The following MYMK variants were observed in gnomAD, a reference collection of about 807,000 sequenced individuals.
The protein encoded by MYMK is myomaker, myoblast fusion factor.
MYMK carries 16 observed loss-of-function variants against 22.4 expected under a neutral mutation model. The ratio of observed to expected loss-of-function variants is 0.72; its 90% confidence interval spans 0.48 to 1.09. MYMK has a LOEUF of 1.09. MYMK is among the 50% of genes least tolerant of loss of function. MYMK has a pLI of 0.00. For missense variants in MYMK, 250 were observed against 295.6 expected (o/e 0.85, Z 1.13); for synonymous variants, 125 against 127.0 (o/e 0.98, Z 0.11).
At position 133,516,566 on chromosome 9, in the gene MYMK, C is replaced by T. The variant is rs1352096223; in HGVS notation, c.400-959G>A. On this transcript the variant is annotated intron_variant, in intron 3 of 4. Coordinates refer to ENST00000339996, the MANE Select transcript of MYMK (RefSeq NM_001080483.3). ...TGCAAAGAGCACAAAGAGCCTTATG[C>T]TGGGTCAGGTCAGGTTTTGCCACCC... Among the ~76,000 whole-genome samples the T allele has an allele frequency of 2.6e-5, 4 of 152,362 alleles. No individual in the cohort carries two copies. The East Asian group carries it at 7.7e-4, about 29-fold the overall frequency.
At position 133,514,604 on chromosome 9, in the gene MYMK, G is replaced by C. The variant is rs1320474810; in HGVS notation, c.*32C>G. 2.5e-6 allele frequency: 4 copies of C among 1,599,576 alleles called. No individual in the cohort carries two copies. On this transcript the variant is annotated 3_prime_UTR_variant, in exon 5 of 5. Transcript: ENST00000339996. ...CTCTGGCCAAGTGTGAGCTGGGGAG[G>C]GCAGGGGCTCAGAGCCGGGCTGGGC... is the stretch of plus-strand genomic sequence containing the variant.
rs9802273 is a variant in MYMK at position 133,520,331 on chromosome 9, A to G, written c.136-43T>C. On this transcript the variant is annotated intron_variant, in intron 1 of 4. Coordinates refer to ENST00000339996, the MANE Select transcript of MYMK (RefSeq NM_001080483.3). The stretch of plus-strand genomic sequence containing the variant: ...GGTGGTCACAGCACAAAGAGGCCAG[A>G]GCTGGTCCCCGAGCCACGGCCCCCA... 0.73 allele frequency: 1,129,280 copies of G among 1,551,880 alleles called. 412,952 individuals carry two copies. The highest frequency in any genetic ancestry group is 0.83 in the African/African-American group (61,259 of 73,684).
chr9:133,524,955 C>A lies in MYMK; in HGVS notation c.-111G>T. 7.6e-7 allele frequency: 1 copy of A among 1,316,560 alleles called. No homozygotes were observed. Among genetic ancestry groups the A allele is most frequent in the Non-Finnish European group, 1.0e-6 (1 of 968,026 alleles). 81.6% of individuals were successfully genotyped at this position (1,316,560 alleles called of 1,614,324 possible). A position where few individuals can be genotyped will look rare whatever the true frequency, so the allele number is the denominator to read the frequency against. The stretch of plus-strand genomic sequence containing the variant: ...CTCCCTTTGGGCAGGGCTCTGATGG[C>A]AGCTGCGGGGAGCACCCACAAGAGG... On this transcript the variant is annotated 5_prime_UTR_variant, in exon 1 of 5. Transcript: ENST00000339996.
rs1844664658 is a variant in MYMK at position 133,518,926 on chromosome 9, C to T, written c.347G>A (p.Gly116Glu). ...VRIYHDRWGY[G>E]VYSGPIGTAI... ...TGTGCCGATGGGGCCCGAGTACACC[C>T]CGTAGCCCCATCGGTCATGGTAGAT... is the stretch of plus-strand genomic sequence containing the variant. The change falls in exon 3 of 5, where the codon GGG becomes GAG. Residue 116 changes from glycine (G) to glutamate (E), a missense_variant. Gly to Glu is a moderately conservative substitution (Grantham distance 98, BLOSUM62 -2). Coordinates refer to ENST00000339996, the MANE Select transcript of MYMK (RefSeq NM_001080483.3). The T allele has an allele frequency of 6.2e-7, 1 of 1,613,682 alleles. No individual in the cohort carries two copies. Among genetic ancestry groups the T allele is most frequent in the African/African-American group, 1.3e-5 (1 of 74,922 alleles).
At position 133,524,819 on chromosome 9, in the gene MYMK, A is replaced by G; in HGVS notation, c.26T>C (p.Leu9Pro). The G allele has an allele frequency of 3.1e-6, 5 of 1,612,664 alleles. No individual in the cohort carries two copies. Among genetic ancestry groups the G allele is most frequent in the Non-Finnish European group, 4.2e-6 (5 of 1,179,376 alleles). Reference protein sequence around the residue: MGTLVAKLLLPTLSSLAFL... With the variant: MGTLVAKLPLPTLSSLAFL... ...GGCCAGGCTGCTGAGGGTGGGCAGG[A>G]GCAGCTTGGCCACCAGCGTCCCCAT... is the stretch of plus-strand genomic sequence containing the variant. Residue 9 changes from leucine to proline, a missense_variant, in exon 1 of 5, where the codon CTC becomes CCC. By Grantham distance (98) the Leu-to-Pro change is moderately conservative (BLOSUM62 -3). Transcript: ENST00000339996.
intron 1 of MYMK, among the ~76,000 whole-genome samples, chr9:133,521,646 C>A (rs202053366): frequency 6.6e-6 from 1 of 152,136 alleles, no homozygotes; most frequent in South Asian, 2.1e-4. Flanking sequence ...CTGGGAAAGA[C>A]GCGGCTAGAG....
At chr9:133,521,967 C>T (rs1844708142) in intron 1 of MYMK, among the ~76,000 whole-genome samples, 1 of 152,222 alleles carries the variant, frequency 6.6e-6, no homozygotes, top group Non-Finnish European at 1.5e-5. Flanking sequence ...ATGGACGGCT[C>T]CCAGCATAGA....
chr9:133,515,907 C>T lies in MYMK; in HGVS notation c.400-300G>A, dbSNP rs146179863. On this transcript the variant is annotated intron_variant, in intron 3 of 4. Transcript: ENST00000339996. This position sits in a 1 kb window ranked among gnomAD's most constrained non-coding sequence, Gnocchi z 5.8. The stretch of plus-strand genomic sequence containing the variant: ...CTTTGAGATGTAACAACGCCACCCT[C>T]GCATGTCTCCTCCTCCCTGGAGGGG... 1.3e-5 allele frequency among the ~76,000 whole-genome samples: 2 copies of T among 152,326 alleles called. No individual in the cohort carries two copies. The highest frequency in any genetic ancestry group is 3.9e-4 in the East Asian group (2 of 5,178).
Sources: allele counts gnomAD v4.1 joint callset (sites outside exome capture counted in the v4.1 genomes callset), GRCh38; gene constraint gnomAD v4.1.1; non-coding constraint Gnocchi (gnomAD v3.1); transcripts MANE v1.5; gene names NCBI Gene and HGNC (gene_info 2026-07-23, HGNC 2026-07-21).